Variants in FGF12 observed in about 807,000 individuals in gnomAD.
FGF12 encodes fibroblast growth factor 12B.
FGF12 carries 14 observed loss-of-function variants against 23.6 expected under a neutral mutation model. The observed-to-expected ratio is 0.59, with a 90% CI of 0.39 to 0.93. The LOEUF is 0.93. FGF12 is among the 40% of genes least tolerant of loss of function. The probability of loss-of-function intolerance (pLI) is 0.00; values close to 1 mark genes in which losing one functional copy is unlikely to be tolerated. For missense variants in FGF12, 175 were observed against 217.8 expected, an observed-to-expected ratio of 0.80 and a Z score of 1.24; for synonymous variants, 62 against 77.3, an observed-to-expected ratio of 0.80 and a Z score of 1.04.
At chr3:192,193,781 A>T (rs772379550) in intron 4 of FGF12, among the ~76,000 whole-genome samples, 6 of 151,712 alleles carry the variant, frequency 4.0e-5, no homozygotes, top group Non-Finnish European at 8.8e-5. Flanking sequence ...TTTTTTAAGG[A>T]TATTTTTATT....
At chr3:192,531,111 C>A (rs962320751) in intron 2 of FGF12, among the ~76,000 whole-genome samples, 12 of 152,124 alleles carry the variant, frequency 7.9e-5, no homozygotes, top group Admixed American at 7.8e-4. Flanking sequence ...CACACCCAGC[C>A]CTGCAGTTTA....
intron 4 of FGF12, among the ~76,000 whole-genome samples, chr3:192,311,497 A>C (rs1204764663): frequency 6.6e-6 from 1 of 152,224 alleles, no homozygotes; most frequent in Non-Finnish European, 1.5e-5. Flanking sequence ...GTTGCCAAAT[A>C]ATATTCCATT....
intron 4 of FGF12, among the ~76,000 whole-genome samples, chr3:192,249,094 AG>A (rs1204392636): frequency 1.3e-5 from 2 of 152,184 alleles, no homozygotes; most frequent in Non-Finnish European, 2.9e-5. Flanking sequence ...TTTTATTATA[AG>A]GGCTATGTAA....
Position 192,554,197 on chromosome 3 carries a change from AG to A in FGF12, c.13+172983del, listed in dbSNP as rs200799364. Among the ~76,000 whole-genome samples the A allele has an allele frequency of 2.2e-4, 34 of 152,338 alleles. No homozygotes were observed. In the East Asian group the frequency reaches 6.6e-3, roughly 29 times the overall value. On this transcript the variant is annotated intron_variant, in intron 2 of 5. Transcript: ENST00000445105. The stretch of plus-strand genomic sequence containing the variant: ...GCTACTGATAACATACAACAGACAG[AG>A]GCCTATGCCATTTGGTGGTCTCTCC...
At chr3:192,601,515 T>C (rs1414378649) in intron 2 of FGF12, among the ~76,000 whole-genome samples, 4 of 152,088 alleles carry the variant, frequency 2.6e-5, no homozygotes, top group Admixed American at 2.6e-4. Context: ...TCATATACAT[T>C]ACATGTATTG....
intron 2 of FGF12, among the ~76,000 whole-genome samples, chr3:192,495,981 A>G (rs1365068865): frequency 6.6e-6 from 1 of 152,138 alleles, no homozygotes; most frequent in African/African-American, 2.4e-5. Context: ...ACTTTTAAAA[A>G]CAGGAAACCA....
chr3:192,395,812 G>A (rs1251751763), intron 2 of FGF12, among the ~76,000 whole-genome samples: 2 of 152,228 alleles, frequency 1.3e-5, no homozygotes, highest in East Asian at 3.8e-4. Context: ...TAATGGGCAG[G>A]ACTGCAGCAG....
intron 2 of FGF12, among the ~76,000 whole-genome samples, chr3:192,492,043 G>C (rs79230116): frequency 0.062 from 9,401 of 152,154 alleles, 995 homozygotes; most frequent in African/African-American, 0.22. Flanking sequence ...TCATACTACA[G>C]ACTTAAATCT....
chr3:192,465,929 C>G (rs1722997969), intron 2 of FGF12, among the ~76,000 whole-genome samples: 1 of 152,196 alleles, frequency 6.6e-6, no homozygotes, highest in African/African-American at 2.4e-5. Flanking sequence ...ATTTCCTTTC[C>G]CTGCAATAAA....
At chr3:192,504,602 C>T (rs1245732995) in intron 2 of FGF12, among the ~76,000 whole-genome samples, 1 of 152,222 alleles carries the variant, frequency 6.6e-6, no homozygotes, top group South Asian at 2.1e-4. Context: ...TTGTTTCTTT[C>T]TCTGTGGATC....
chr3:192,235,195 G>C (rs1026299221), intron 4 of FGF12, among the ~76,000 whole-genome samples: 2 of 151,996 alleles, frequency 1.3e-5, no homozygotes, highest in Non-Finnish European at 2.9e-5. Flanking sequence ...TTTGTATGTT[G>C]TTTATTACTG....
intron 2 of FGF12, among the ~76,000 whole-genome samples, chr3:192,547,283 A>C (rs1213185425): frequency 6.6e-6 from 1 of 152,160 alleles, no homozygotes; most frequent in Admixed American, 6.5e-5. Flanking sequence ...ATCCATCAGC[A>C]TCTGACTCAT....
At chr3:192,424,611 T>C (rs985243662) in intron 2 of FGF12, among the ~76,000 whole-genome samples, 5 of 152,172 alleles carry the variant, frequency 3.3e-5, no homozygotes, top group African/African-American at 7.2e-5. Flanking sequence ...AACCTGCAAG[T>C]TATCTTTTAA....
intron 5 of FGF12, among the ~76,000 whole-genome samples, chr3:192,157,237 T>C: frequency 6.6e-6 from 1 of 152,226 alleles, no homozygotes; most frequent in East Asian, 1.9e-4. Context: ...TTTTAACAGC[T>C]GTCTGAGCAT....
intron 4 of FGF12, among the ~76,000 whole-genome samples, chr3:192,294,400 C>T (rs961989455): frequency 1.3e-5 from 2 of 152,086 alleles, no homozygotes; most frequent in African/African-American, 4.8e-5. Context: ...CTAAAACTAC[C>T]ACCTTAGGAG....
chr3:192,261,833 A>G (rs1712774624), intron 4 of FGF12, among the ~76,000 whole-genome samples: 1 of 152,136 alleles, frequency 6.6e-6, no homozygotes, highest in Non-Finnish European at 1.5e-5. Flanking sequence ...GCACAATCTG[A>G]ATTGTTCGTG....
chr3:192,725,794 TAG>T (rs1719194743), intron 2 of FGF12, among the ~76,000 whole-genome samples: 3 of 152,220 alleles, frequency 2.0e-5, no homozygotes, highest in Non-Finnish European at 4.4e-5. Flanking sequence ...CTTAGTCAGC[TAG>T]AATATTACAA....
chr3:192,722,514 C>A (rs1171667212), intron 2 of FGF12, among the ~76,000 whole-genome samples: 1 of 152,126 alleles, frequency 6.6e-6, no homozygotes, highest in African/African-American at 2.4e-5. Flanking sequence ...AGAATTGAAT[C>A]TTCCTTGGAA....
chr3:192,166,814 G>C (rs1178342429), intron 5 of FGF12, among the ~76,000 whole-genome samples: 2 of 151,914 alleles, frequency 1.3e-5, no homozygotes, highest in East Asian at 3.9e-4. Context: ...AAGGTGTTTG[G>C]CCTAAAACCA....
Sources: gnomAD v4.1 joint callset for allele counts (sites outside exome capture counted in the v4.1 genomes callset) on GRCh38, gnomAD v4.1.1 for gene constraint, MANE v1.5 for transcripts, NCBI Gene and HGNC (gene_info 2026-07-23, HGNC 2026-07-21) for gene names.